Variants in TMEM50B observed in about 807,000 individuals in gnomAD.
TMEM50B encodes the protein transmembrane protein 50B, also known as HCV p7-trans-regulated protein 3.
A neutral mutation model predicts 23.4 loss-of-function variants in TMEM50B; 14 were observed. That is an observed-to-expected ratio of 0.60 (90% CI 0.39 to 0.93). The LOEUF is 0.93. Ranked by LOEUF, TMEM50B falls within the 40% of genes least tolerant of loss-of-function variation. The pLI, the probability that TMEM50B is intolerant of heterozygous loss-of-function variation, is 0.00. For synonymous variants in TMEM50B, 64 were observed against 62.3 expected, an observed-to-expected ratio of 1.03 and a Z score of -0.13; for missense variants, 159 against 193.0, an observed-to-expected ratio of 0.82 and a Z score of 1.04.
chr21:33,470,662 G>A (rs1303584062), intron 1 of TMEM50B, among the ~76,000 whole-genome samples: 3 of 152,036 alleles, frequency 2.0e-5, no homozygotes, highest in Non-Finnish European at 1.5e-5. Flanking sequence ...GCATGAACCC[G>A]GGAGGCGGGG....
chr21:33,439,168 A>G (rs1207367376), intron 8 of TMEM50B: 1 of 152,238 alleles, frequency 6.6e-6, no homozygotes, highest in Admixed American at 6.5e-5. Flanking sequence ...CCTTAAGTAG[A>G]CAAGTTTGGA....
chr21:33,467,070 G>A lies in TMEM50B; in HGVS notation c.152C>T (p.Pro51Leu). 6.2e-7 allele frequency: 1 copy of A among 1,614,204 alleles called. No individual in the cohort carries two copies. The highest frequency in any genetic ancestry group is 8.5e-7 in the Non-Finnish European group (1 of 1,180,030). ...MIDAAVVYPK[P>L]EQLNHAFHTC... ...GTGAAAGGCATGGTTCAACTGTTCTGGCTTAGGATACACCACAGCTGCATC... is the reference window on the plus strand; with the variant it reads ...GTGAAAGGCATGGTTCAACTGTTCTAGCTTAGGATACACCACAGCTGCATC... The change falls in exon 3 of 7, where the codon CCA becomes CTA. Residue 51 changes from proline (P) to leucine (L), a missense_variant. Pro to Leu is a moderately conservative substitution (Grantham distance 98). Coordinates refer to ENST00000542230, the MANE Select transcript of TMEM50B (RefSeq NM_006134.7).
chr21:33,469,515 T>C (rs2084293563), intron 1 of TMEM50B: 1 of 152,154 alleles, frequency 6.6e-6, no homozygotes, highest in African/African-American at 2.4e-5. Context: ...CATTGAGAGG[T>C]AGATTTATGT....
At chr21:33,466,393 T>C (rs2123446231) in intron 3 of TMEM50B, among the ~76,000 whole-genome samples, 1 of 152,194 alleles carries the variant, frequency 6.6e-6, no homozygotes, top group Middle Eastern at 3.4e-3. Context: ...AACTTAAAAA[T>C]AATTTAATAA....
At chr21:33,475,199 T>C (rs2084357202) in intron 1 of TMEM50B, among the ~76,000 whole-genome samples, 1 of 152,084 alleles carries the variant, frequency 6.6e-6, no homozygotes, top group Non-Finnish European at 1.5e-5. Context: ...ATGCTGGCAT[T>C]ACAGGTGTTG....
At chr21:33,472,268 A>G (rs2084324810) in intron 1 of TMEM50B, among the ~76,000 whole-genome samples, 1 of 151,604 alleles carries the variant, frequency 6.6e-6, no homozygotes, top group Admixed American at 6.6e-5. Context: ...CTGTAATCCT[A>G]GCTACTCAGG....
intron 7 of TMEM50B, among the ~76,000 whole-genome samples, chr21:33,441,947 T>C (rs1426218422): frequency 2.0e-5 from 3 of 152,186 alleles, no homozygotes; most frequent in Admixed American, 6.5e-5. Context: ...TCATTTTTGT[T>C]ATCAAGCATT....
At chr21:33,474,196 G>A (rs891171339) in intron 1 of TMEM50B, among the ~76,000 whole-genome samples, 1 of 150,714 alleles carries the variant, frequency 6.6e-6, no homozygotes, top group African/African-American at 2.4e-5. Context: ...GGCAGGGGAG[G>A]GGGTTGTTGT....
At chr21:33,434,723 G>A (rs1255684382) in intron 8 of TMEM50B, among the ~76,000 whole-genome samples, 1 of 152,118 alleles carries the variant, frequency 6.6e-6, no homozygotes, top group Non-Finnish European at 1.5e-5. Context: ...CTGCCATGAT[G>A]TATTGTAGGT....
At chr21:33,442,354 TGA>T (rs1471545529) in intron 7 of TMEM50B, among the ~76,000 whole-genome samples, 1 of 152,074 alleles carries the variant, frequency 6.6e-6, no homozygotes, top group East Asian at 1.9e-4. Flanking sequence ...TGGCTACGCT[TGA>T]GAGGGTATGG....
chr21:33,478,384 T>A (rs935640738), intron 1 of TMEM50B, among the ~76,000 whole-genome samples: 1 of 152,024 alleles, frequency 6.6e-6, no homozygotes, highest in Non-Finnish European at 1.5e-5. Context: ...GTAAAATCCC[T>A]TTAACCCTAG....
At chr21:33,434,483 T>C (rs1402256228) in intron 8 of TMEM50B, among the ~76,000 whole-genome samples, 1 of 152,070 alleles carries the variant, frequency 6.6e-6, no homozygotes, top group Non-Finnish European at 1.5e-5. Flanking sequence ...TATCGCACCA[T>C]AGCACTTTAG....
downstream of TMEM50B, among the ~76,000 whole-genome samples, chr21:33,444,189 A>C (rs2084032820): frequency 6.6e-6 from 1 of 151,828 alleles, no homozygotes; most frequent in Non-Finnish European, 1.5e-5. Flanking sequence ...CGTGAGCACC[A>C]TGCCTGGCCT....
intron 5 of TMEM50B, among the ~76,000 whole-genome samples, chr21:33,458,643 A>G (rs1405553193): frequency 6.6e-6 from 1 of 152,218 alleles, no homozygotes; most frequent in Non-Finnish European, 1.5e-5. Context: ...AGTGATAAAA[A>G]TATTCTCAAA....
chr21:33,443,931 C>T (rs1021859781), intron 7 of TMEM50B, among the ~76,000 whole-genome samples: 4 of 152,086 alleles, frequency 2.6e-5, no homozygotes, highest in African/African-American at 4.8e-5. Flanking sequence ...TACAGAGTTT[C>T]GCTCTGTCGC....
chr21:33,436,923 T>TA, intron 8 of TMEM50B: 2 of 1,613,976 alleles, frequency 1.2e-6, no homozygotes, highest in Non-Finnish European at 1.7e-6. Context: ...TTATCTCGTT[T>TA]CCGGAAAAGG....
In TMEM50B at chr21:33,467,773, C is replaced by T. The variant is rs777723655; in HGVS notation, c.100-651G>A. 2.6e-5 allele frequency among the ~76,000 whole-genome samples: 4 copies of T among 152,182 alleles called. No individual in the cohort carries two copies. In the East Asian group the frequency reaches 5.8e-4, roughly 22 times the overall value. On this transcript the variant is annotated intron_variant, in intron 2 of 6. Coordinates refer to ENST00000542230, the MANE Select transcript of TMEM50B (RefSeq NM_006134.7). ...AGTGAGCAGACTGCTTCACAATTAT[C>T]GTTAGTTCTTGCTCTGCTTCATTTC...
At chr21:33,466,017 T>C (rs1169827260) in intron 3 of TMEM50B, among the ~76,000 whole-genome samples, 1 of 152,262 alleles carries the variant, frequency 6.6e-6, no homozygotes, top group East Asian at 1.9e-4. Context: ...ATCCCAGCAC[T>C]TTGAGAGTCC....
intron 4 of TMEM50B, among the ~76,000 whole-genome samples, chr21:33,461,952 G>GA (rs772900979): frequency 2.0e-5 from 3 of 151,882 alleles, no homozygotes; most frequent in Non-Finnish European, 4.4e-5. Flanking sequence ...AGAAAAAAAA[G>GA]AAAAAGAAGT....
Sources: allele counts gnomAD v4.1 joint callset (sites outside exome capture counted in the v4.1 genomes callset), GRCh38; gene constraint gnomAD v4.1.1; transcripts MANE v1.5; gene names NCBI Gene and HGNC (gene_info 2026-07-23, HGNC 2026-07-21).